The following ANP32E variants were observed in gnomAD, a reference collection of about 807,000 sequenced individuals.
ANP32E encodes acidic nuclear phosphoprotein 32 family member E.
In ANP32E, 14 loss-of-function variants were observed where a neutral mutation model predicts 35.3. That is an observed-to-expected ratio of 0.40 (90% CI 0.26 to 0.62). ANP32E has a LOEUF of 0.62. ANP32E is among the 20% of genes least tolerant of loss of function. The pLI is 0.45. For missense variants in ANP32E, 198 were observed against 304.4 expected (o/e 0.65, Z 2.60); for synonymous variants, 89 against 110.4 (o/e 0.81, Z 1.22).
intron 3 of ANP32E, among the ~76,000 whole-genome samples, chr1:150,230,071 GTC>G (rs1649234699): frequency 2.0e-5 from 3 of 151,896 alleles, no homozygotes; most frequent in Admixed American, 2.0e-4. Context: ...TAGAGACAGG[GTC>G]TCACTATGTT....
At chr1:150,223,110 G>T in intron 6 of ANP32E, 76 bp downstream of exon 6, 1 of 1,421,684 alleles carries the variant, frequency 7.0e-7, no homozygotes, top group Non-Finnish European at 9.5e-7. Context: ...TAAAGTGTAT[G>T]AAATACAAAT....
chr1:150,223,144 T>C, intron 6 of ANP32E, 42 bp downstream of exon 6: 2 of 1,471,978 alleles, frequency 1.4e-6, no homozygotes, highest in Non-Finnish European at 1.8e-6. Flanking sequence ...AAAATGACTA[T>C]GTCTTTAATT....
chr1:150,220,578 A>G lies in ANP32E; in HGVS notation c.*113T>C. 1 of 998,786 alleles carries G rather than the reference A, an allele frequency of 1.0e-6. No homozygotes were observed. The highest frequency in any genetic ancestry group is 2.5e-5 in the East Asian group (1 of 39,680). 61.9% of individuals were successfully genotyped at this position (998,786 alleles called of 1,614,324 possible). A position where few individuals can be genotyped will look rare whatever the true frequency, so the allele number is the denominator to read the frequency against. ...AAAATAGTAAAACCACACTTTTCCT[A>G]TAAAAAGTTACACATTATCTTCTGT... On this transcript the variant is annotated 3_prime_UTR_variant, in exon 7 of 7. Transcript: ENST00000583931.
rs1649732544 is a variant in ANP32E at position 150,235,769 on chromosome 1, C to T, written c.18G>A (p.Lys6=). 3.7e-6 allele frequency: 6 copies of T among 1,607,462 alleles called. No individual in the cohort carries two copies. The East Asian group carries it at 1.3e-4, about 36-fold the overall frequency. Residue 6 remains lysine (K), a synonymous_variant, in exon 1 of 7, where the codon AAG becomes AAA. Transcript: ENST00000583931. The surrounding 1 kb of genome is among the most constrained non-coding windows in gnomAD (Gnocchi z 4.2). ...ATCTGTTCCTTAACTCCAGGTTAATCTTCTTCTTCATCTCCATGTCCTCCT... is the reference window on the plus strand; with the variant it reads ...ATCTGTTCCTTAACTCCAGGTTAATTTTCTTCTTCATCTCCATGTCCTCCT... MEMKK[K]INLELRNRSP... is the part of the protein sequence containing the mutation.
In ANP32E at chr1:150,233,991, A is replaced by G. The variant is rs963403113; in HGVS notation, c.54+1742T>C. ...TTTCACTGCCCTGAGACTGTCTGCT[A>G]ATTTGGATTCTAGAACAACACAATC... is the stretch of plus-strand genomic sequence containing the variant. On this transcript the variant is annotated intron_variant, in intron 1 of 6. Transcript: ENST00000583931. Among the ~76,000 whole-genome samples the G allele has an allele frequency of 2.6e-5, 4 of 152,148 alleles. No individual in the cohort carries two copies. The East Asian group carries it at 7.7e-4, about 29-fold the overall frequency.
chr1:150,220,372 C>T lies in ANP32E; in HGVS notation c.*319G>A, dbSNP rs1648245340. ...AAGGAATGAAATGCACCATACTACACCTGTGTAAAAGTGATCATGTTTTAA... is the reference window on the plus strand; with the variant it reads ...AAGGAATGAAATGCACCATACTACATCTGTGTAAAAGTGATCATGTTTTAA... On this transcript the variant is annotated 3_prime_UTR_variant, in exon 7 of 7. Transcript: ENST00000583931. The T allele has an allele frequency of 4.3e-6, 1 of 232,766 alleles. No individual in the cohort carries two copies. The highest frequency in any genetic ancestry group is 8.5e-6 in the Non-Finnish European group (1 of 117,022). 14.4% of individuals were successfully genotyped at this position (232,766 alleles called of 1,614,324 possible). A position where few individuals can be genotyped will look rare whatever the true frequency, so the allele number is the denominator to read the frequency against.
At chr1:150,233,411 T>C (rs77820349) in intron 1 of ANP32E, among the ~76,000 whole-genome samples, 3,246 of 152,264 alleles carry the variant, frequency 0.021, 131 homozygotes, top group African/African-American at 0.072. Flanking sequence ...TAGAAAGCTC[T>C]TCTGGGAACA....
intron 4 of ANP32E, among the ~76,000 whole-genome samples, chr1:150,228,869 T>C (rs1249652303): frequency 6.6e-6 from 1 of 152,174 alleles, no homozygotes; most frequent in Non-Finnish European, 1.5e-5. Context: ...CATGTTATAA[T>C]AGTCATTAAA....
At chr1:150,233,441 T>G (rs1572034026) in intron 1 of ANP32E, among the ~76,000 whole-genome samples, 1 of 152,120 alleles carries the variant, frequency 6.6e-6, no homozygotes, top group African/African-American at 2.4e-5. Flanking sequence ...GTGTTATTGG[T>G]TCTCACATCC....
intron 5 of ANP32E, among the ~76,000 whole-genome samples, chr1:150,226,149 T>C (rs1407268676): frequency 1.3e-5 from 2 of 151,868 alleles, no homozygotes; most frequent in Non-Finnish European, 1.5e-5. Flanking sequence ...GGACTACAGG[T>C]GTGTGCCATC....
chr1:150,226,617 T>C lies in ANP32E; in HGVS notation c.672A>G (p.Glu224=), dbSNP rs1007186311. 6 of 1,613,600 alleles carry C rather than the reference T, an allele frequency of 3.7e-6. No homozygotes were observed. Among genetic ancestry groups the C allele is most frequent in the Non-Finnish European group, 5.1e-6 (6 of 1,179,942 alleles). The part of the protein sequence containing the change: ...EEVGLSYLMK[E]EIQDEEDDDD... ...AGAAGTGTGTATTCACCTGAATTTC[T>C]TCTTTCATTAAGTATGAGAGGCCCA... The change falls in exon 5 of 7, where the codon GAA becomes GAG. Residue 224 remains glutamate, a synonymous_variant. Transcript: ENST00000583931.
intron 6 of ANP32E, among the ~76,000 whole-genome samples, chr1:150,222,628 T>G (rs1648521426): frequency 6.7e-6 from 1 of 150,080 alleles, no homozygotes; most frequent in African/African-American, 2.4e-5. Flanking sequence ...CATGATGGTG[T>G]GTGCCTGTGG....
At chr1:150,232,135 G>A (rs587652900) in intron 1 of ANP32E, among the ~76,000 whole-genome samples, 2 of 151,694 alleles carry the variant, frequency 1.3e-5, no homozygotes, top group Non-Finnish European at 2.9e-5. Context: ...ACGAGGTCAG[G>A]AGATCGAGAC....
chr1:150,229,298 CTT>C (rs368884324), intron 3 of ANP32E, 61 bp from the exon 4 acceptor site: 2,496 of 426,158 alleles, frequency 5.9e-3, no homozygotes, highest in Middle Eastern at 9.5e-3. Context: ...TTTCTTTTTT[CTT>C]TTTTTTTTTT....
chr1:150,232,173 T>A (rs1438168533), intron 1 of ANP32E, among the ~76,000 whole-genome samples: 2 of 150,630 alleles, frequency 1.3e-5, no homozygotes, highest in Non-Finnish European at 3.0e-5. Flanking sequence ...TGAAACCCCG[T>A]CTCTACTAAA....
At chr1:150,230,474 TAA>T (rs1649268670) in intron 3 of ANP32E, 95 bp downstream of exon 3, 1 of 1,253,354 alleles carries the variant, frequency 8.0e-7, no homozygotes, top group African/African-American at 1.5e-5. Context: ...AAAAAATTCT[TAA>T]GTTTTAAGAG....
At chr1:150,233,450 C>T (rs1017960291) in intron 1 of ANP32E, among the ~76,000 whole-genome samples, 12 of 152,076 alleles carry the variant, frequency 7.9e-5, no homozygotes, top group African/African-American at 2.9e-4. Flanking sequence ...GTTCTCACAT[C>T]CAGGCCAAAC....
chr1:150,230,204 A>G (rs1649245195), intron 3 of ANP32E, among the ~76,000 whole-genome samples: 1 of 152,130 alleles, frequency 6.6e-6, no homozygotes, highest in East Asian at 1.9e-4. Context: ...AAATCAGAGC[A>G]ATAATTTTCA....
At chr1:150,220,962 C>T (rs1166764794) in intron 6 of ANP32E, among the ~76,000 whole-genome samples, 1 of 151,414 alleles carries the variant, frequency 6.6e-6, no homozygotes, top group Non-Finnish European at 1.5e-5. Flanking sequence ...ACTAAAAATA[C>T]AAAAAATTAG....
Sources: allele counts gnomAD v4.1 joint callset (sites outside exome capture counted in the v4.1 genomes callset), GRCh38; gene constraint gnomAD v4.1.1; non-coding constraint Gnocchi (gnomAD v3.1); transcripts MANE v1.5; gene names NCBI Gene and HGNC (gene_info 2026-07-23, HGNC 2026-07-21).